Variants in SPTLC2 observed in about 807,000 individuals in gnomAD.
SPTLC2 encodes the protein serine palmitoyltransferase 2.
A neutral mutation model predicts 62.0 loss-of-function variants in SPTLC2; 21 were observed. That is an observed-to-expected ratio of 0.34 (90% confidence interval 0.24 to 0.49). The LOEUF (loss-of-function observed/expected upper bound fraction) is 0.49, where lower values mean the gene tolerates loss of function less well. Ranked by LOEUF, SPTLC2 falls within the 20% of genes least tolerant of loss-of-function variation. The probability of loss-of-function intolerance (pLI) is 0.99; values close to 1 mark genes in which losing one functional copy is unlikely to be tolerated. For synonymous variants in SPTLC2, 261 were observed against 261.8 expected, an observed-to-expected ratio of 1.00 and a Z score of 0.03; for missense variants, 511 against 713.0, an observed-to-expected ratio of 0.72 and a Z score of 3.23.
At chr14:77,558,626 GT>G (rs11412876) in intron 6 of SPTLC2, among the ~76,000 whole-genome samples, 93 of 143,712 alleles carry the variant, frequency 6.5e-4, no homozygotes, top group African/African-American at 1.8e-3. Flanking sequence ...CAGTTTTTTT[GT>G]TTTTTTTTTT....
In SPTLC2 at chr14:77,597,315, T is replaced by A. The variant is rs1233945738; in HGVS notation, c.198A>T (p.Thr66=). 1 of 1,614,206 alleles carries A rather than the reference T, an allele frequency of 6.2e-7. No homozygotes were observed. The highest frequency in any genetic ancestry group is 8.5e-7 in the Non-Finnish European group (1 of 1,180,028). ...KRPFNEAFEE[T]PMLVAVLTYV... is the part of the protein sequence containing the mutation. ...ACGTGAGCACAGCAACCAGCATTGG[T>A]GTTTCTTCAAAAGCTTCATTAAACG... Residue 66 remains threonine, a synonymous_variant, in exon 2 of 12, where the codon ACA becomes ACT. Transcript: ENST00000216484.
At chr14:77,532,738 A>G (rs1004590612) in intron 9 of SPTLC2, among the ~76,000 whole-genome samples, 1 of 151,572 alleles carries the variant, frequency 6.6e-6, no homozygotes, top group Non-Finnish European at 1.5e-5. Flanking sequence ...GAGCCGAGAT[A>G]GTGCCACTGC....
intron 7 of SPTLC2, among the ~76,000 whole-genome samples, chr14:77,556,378 C>T (rs1482183499): frequency 6.6e-6 from 1 of 151,968 alleles, no homozygotes; most frequent in Non-Finnish European, 1.5e-5. Flanking sequence ...AATCTTAATT[C>T]ACGACAAAAA....
At chr14:77,539,772 G>T (rs2079490447) in intron 9 of SPTLC2, among the ~76,000 whole-genome samples, 1 of 152,056 alleles carries the variant, frequency 6.6e-6, no homozygotes, top group African/African-American at 2.4e-5. Context: ...TTACAGGCGT[G>T]AGCCACTGTG....
chr14:77,554,672 A>C (rs538802287), intron 8 of SPTLC2: 131 of 154,586 alleles, frequency 8.5e-4, no homozygotes, highest in Non-Finnish European at 1.7e-3. Flanking sequence ...GTTTTCCCTG[A>C]GGTCTAACAA....
chr14:77,560,701 CT>C (rs1263159889), intron 6 of SPTLC2, among the ~76,000 whole-genome samples: 1 of 151,636 alleles, frequency 6.6e-6, no homozygotes, highest in African/African-American at 2.4e-5. Context: ...AGATCATGTC[CT>C]TTGCAGCAAC....
At chr14:77,554,279 A>T (rs1259981250) in intron 8 of SPTLC2, among the ~76,000 whole-genome samples, 3 of 152,248 alleles carry the variant, frequency 2.0e-5, no homozygotes, top group Non-Finnish European at 4.4e-5. Context: ...TATAAGCCAC[A>T]TACACAGAAT....
At chr14:77,603,911 C>A (rs554127686) in intron 1 of SPTLC2, among the ~76,000 whole-genome samples, 9 of 152,310 alleles carry the variant, frequency 5.9e-5, no homozygotes, top group Admixed American at 2.0e-4. Context: ...GACTGGAGTA[C>A]AAGTGCAGCT....
intron 9 of SPTLC2, among the ~76,000 whole-genome samples, chr14:77,533,349 A>T (rs920323750): frequency 6.6e-6 from 1 of 151,974 alleles, no homozygotes; most frequent in African/African-American, 2.4e-5. Context: ...GTATAATAGC[A>T]ATGTATAACA....
At chr14:77,599,175 G>A (rs1275071030) in intron 1 of SPTLC2, among the ~76,000 whole-genome samples, 1 of 152,086 alleles carries the variant, frequency 6.6e-6, no homozygotes, top group Non-Finnish European at 1.5e-5. Flanking sequence ...AATTTTAATG[G>A]AAATCTTGCT....
At chr14:77,578,333 T>A (rs903281569) in intron 3 of SPTLC2, among the ~76,000 whole-genome samples, 1 of 151,040 alleles carries the variant, frequency 6.6e-6, no homozygotes, top group Non-Finnish European at 1.5e-5. Context: ...GGATAGCTTT[T>A]CTTTTTTTTT....
chr14:77,612,473 T>C (rs1442972596), intron 1 of SPTLC2, among the ~76,000 whole-genome samples: 1 of 152,252 alleles, frequency 6.6e-6, no homozygotes. Context: ...TGCTTCCCCT[T>C]AGAGTGAAAA....
chr14:77,511,833 A>G lies in SPTLC2; in HGVS notation c.*451T>C. The G allele has an allele frequency of 9.4e-6, 2 of 212,116 alleles. No individual in the cohort carries two copies. The highest frequency in any genetic ancestry group is 8.2e-5 in the South Asian group (1 of 12,182). The allele number at this position is 212,116 out of a possible 1,614,324, so 13.1% of individuals were successfully genotyped here. ...TGGCCTTGAGACCTCTGAGACCTGG[A>G]TGGGAAGTAAGTGGAAGGCACTTGC... is the stretch of plus-strand genomic sequence containing the variant. On this transcript the variant is annotated 3_prime_UTR_variant, in exon 12 of 12. Transcript: ENST00000216484.
rs2079558703 is a variant in SPTLC2 at position 77,552,130 on chromosome 14, C to T, written c.1269G>A (p.Met423Ile). The change falls in exon 9 of 12, where the codon ATG becomes ATA. Residue 423 changes from methionine (M) to isoleucine (I), a missense_variant. By Grantham distance (10) the Met-to-Ile change is conservative. Coordinates refer to ENST00000216484, the MANE Select transcript of SPTLC2 (RefSeq NM_004863.4). ...TGCCATCCTGCCCCATGATGCACTT[C>T]ATGGAGGTGATGATCTGCTCCACTA... ...PPVVEQIITS[M>I]KCIMGQDGTS... 6.2e-7 allele frequency: 1 copy of T among 1,614,036 alleles called. No individual in the cohort carries two copies. Among genetic ancestry groups the T allele is most frequent in the Non-Finnish European group, 8.5e-7 (1 of 1,180,034 alleles).
At chr14:77,584,878 G>A (rs952245106) in intron 2 of SPTLC2, among the ~76,000 whole-genome samples, 2 of 152,244 alleles carry the variant, frequency 1.3e-5, no homozygotes, top group African/African-American at 4.8e-5. Context: ...CGGATGTGAT[G>A]TAGGGTCTGC....
intron 10 of SPTLC2, among the ~76,000 whole-genome samples, chr14:77,520,858 A>G (rs556352221): frequency 6.6e-6 from 1 of 152,308 alleles, no homozygotes; most frequent in South Asian, 2.1e-4. Context: ...ACGGTGCTCC[A>G]ATTCCAGGGA....
chr14:77,537,138 A>T (rs2079475585), intron 9 of SPTLC2, among the ~76,000 whole-genome samples: 1 of 151,712 alleles, frequency 6.6e-6, no homozygotes, highest in African/African-American at 2.4e-5. Context: ...GGCAAGGCTG[A>T]TGAACTCCTG....
In SPTLC2 at chr14:77,555,477, G is replaced by T. The variant is rs1192373341; in HGVS notation, c.999C>A (p.Leu333=). ...SIVRLPEVIA[L]KKKYKAYLYL... is the part of the protein sequence containing the mutation. Reference sequence around the variant, plus strand: ...ACAAGTATGCCTTGTATTTCTTCTTGAGGGCAATCACTTCAGGAAGACGAA... The same window carrying T: ...ACAAGTATGCCTTGTATTTCTTCTTTAGGGCAATCACTTCAGGAAGACGAA... The change falls in exon 8 of 12, where the codon CTC becomes CTA. Residue 333 remains leucine, a synonymous_variant. Coordinates refer to ENST00000216484, the MANE Select transcript of SPTLC2 (RefSeq NM_004863.4). The T allele has an allele frequency of 6.2e-7, 1 of 1,614,016 alleles. No individual in the cohort carries two copies. Among genetic ancestry groups the T allele is most frequent in the African/African-American group, 1.3e-5 (1 of 74,900 alleles).
chr14:77,565,124 C>G (rs933719294), intron 5 of SPTLC2, among the ~76,000 whole-genome samples: 5 of 151,488 alleles, frequency 3.3e-5, no homozygotes, highest in Admixed American at 6.6e-5. Flanking sequence ...TGCCTGTAAT[C>G]CCAGCTACTC....
Sources: gnomAD v4.1 joint callset for allele counts (sites outside exome capture counted in the v4.1 genomes callset) on GRCh38, gnomAD v4.1.1 for gene constraint, MANE v1.5 for transcripts, NCBI Gene and HGNC (gene_info 2026-07-23, HGNC 2026-07-21) for gene names.